GALNT6: variants seen among roughly 807,000 people sequenced by gnomAD.
GALNT6 encodes the protein GalNAc transferase 6.
In GALNT6, 51 loss-of-function variants were observed where a neutral mutation model predicts 65.9. The ratio of observed to expected loss-of-function variants is 0.77; its 90% confidence interval spans 0.62 to 0.98. The LOEUF (loss-of-function observed/expected upper bound fraction) is 0.98, where lower values mean the gene tolerates loss of function less well. Among genes scored for constraint, GALNT6 ranks in the 50% least tolerant of loss-of-function variants. GALNT6 has a pLI of 0.00. For synonymous variants in GALNT6, 323 were observed against 315.1 expected, an observed-to-expected ratio of 1.02 and a Z score of -0.26; for missense variants, 708 against 803.3, an observed-to-expected ratio of 0.88 and a Z score of 1.43.
chr12:51,372,869 C>A (rs889091846), intron 4 of GALNT6, among the ~76,000 whole-genome samples: 1 of 152,220 alleles, frequency 6.6e-6, no homozygotes, highest in Non-Finnish European at 1.5e-5. Flanking sequence ...CTTGCATCAG[C>A]GTGACCTGGA....
intron 5 of GALNT6, 78 bp downstream of exon 5, chr12:51,365,351 TG>T: frequency 7.3e-7 from 1 of 1,370,350 alleles, no homozygotes; most frequent in South Asian, 1.4e-5. Flanking sequence ...GAAGGGGCCT[TG>T]GGGAGGCTGT....
intron 3 of GALNT6, among the ~76,000 whole-genome samples, chr12:51,379,030 C>A (rs369549716): frequency 6.6e-6 from 1 of 152,202 alleles, no homozygotes; most frequent in Non-Finnish European, 1.5e-5. Flanking sequence ...TTCCTTCTTC[C>A]ACATCATCTC....
intron 4 of GALNT6, among the ~76,000 whole-genome samples, chr12:51,376,228 G>A (rs749840430): frequency 1.3e-5 from 2 of 152,180 alleles, no homozygotes; most frequent in Non-Finnish European, 1.5e-5. Flanking sequence ...AGGTCACAGA[G>A]CTAGGAAGGG....
At position 51,387,253 on chromosome 12, in the gene GALNT6, A is replaced by G. The variant is rs1947873467; in HGVS notation, c.-104+3597T>C. ...GCTGGGATTACAGGCGCCCGCCACC[A>G]CGTCCGGCTAATTTTTGTATTTTTT... is the stretch of plus-strand genomic sequence containing the variant. On this transcript the variant is annotated intron_variant, in intron 2 of 11. Transcript: ENST00000356317. This position sits in a 1 kb window ranked among gnomAD's most constrained non-coding sequence, Gnocchi z 4.2. Among the ~76,000 whole-genome samples the G allele has an allele frequency of 6.6e-6, 1 of 152,010 alleles. No individual in the cohort carries two copies. The highest frequency in any genetic ancestry group is 1.5e-5 in the Non-Finnish European group (1 of 68,008).
At position 51,359,316 on chromosome 12, in the gene GALNT6, C is replaced by T. The variant is rs1233372803; in HGVS notation, c.1184G>A (p.Gly395Asp). 2 of 1,610,426 alleles carry T rather than the reference C, an allele frequency of 1.2e-6. No homozygotes were observed. Among genetic ancestry groups the T allele is most frequent in the Admixed American group, 1.7e-5 (1 of 59,824 alleles). ...EMSFRVWQCG[G>D]QLEIIPCSVV... ...AGAGCAGGGGATGATCTCCAGCTGGCCCCCACACTGCCACACCTGATGTAA... is the reference window on the plus strand; with the variant it reads ...AGAGCAGGGGATGATCTCCAGCTGGTCCCCACACTGCCACACCTGATGTAA... Residue 395 changes from glycine to aspartate, a missense_variant, in exon 8 of 12, where the codon GGC becomes GAC. Coordinates refer to ENST00000356317, the MANE Select transcript of GALNT6 (RefSeq NM_007210.4).
chr12:51,356,408 A>G (rs983034838), intron 10 of GALNT6, among the ~76,000 whole-genome samples: 17 of 125,596 alleles, frequency 1.4e-4, no homozygotes, highest in African/African-American at 4.7e-4. Flanking sequence ...TGCTTAAGCT[A>G]GAGTGTGGTG....
Position 51,357,332 on chromosome 12 carries a change from A to G in GALNT6, c.1602+17T>C, listed in dbSNP as rs1946777499. On this transcript the variant is annotated intron_variant, in intron 10 of 11. Transcript: ENST00000356317. ...GGTGAGGAGAGGAGATGCTCCGGAGATGGGTGGGCTGCATACCTGGTTGCC... is the reference window on the plus strand; with the variant it reads ...GGTGAGGAGAGGAGATGCTCCGGAGGTGGGTGGGCTGCATACCTGGTTGCC... The G allele has an allele frequency of 6.6e-7, 1 of 1,515,784 alleles. No individual in the cohort carries two copies. Among genetic ancestry groups the G allele is most frequent in the African/African-American group, 1.4e-5 (1 of 72,916 alleles). 93.9% of individuals were successfully genotyped at this position (1,515,784 alleles called of 1,614,324 possible). A position where few individuals can be genotyped will look rare whatever the true frequency, so the allele number is the denominator to read the frequency against.
intron 4 of GALNT6, among the ~76,000 whole-genome samples, chr12:51,375,805 C>T (rs976458258): frequency 1.3e-5 from 2 of 152,126 alleles, no homozygotes; most frequent in Admixed American, 1.3e-4. Flanking sequence ...AATCTGCCTG[C>T]CTCGGCCTCC....
chr12:51,366,548 C>T (rs1263809652), intron 4 of GALNT6, among the ~76,000 whole-genome samples: 1 of 152,138 alleles, frequency 6.6e-6, no homozygotes, highest in African/African-American at 2.4e-5. Flanking sequence ...TACCACGGAC[C>T]AGGCACAGTG....
intron 10 of GALNT6, among the ~76,000 whole-genome samples, chr12:51,356,353 CTTTT>C (rs58408607): frequency 4.5e-5 from 3 of 66,948 alleles, no homozygotes; most frequent in Middle Eastern, 0.01. Context: ...TATATTTTCT[CTTTT>C]TTTTTTTTTT....
At position 51,377,364 on chromosome 12, in the gene GALNT6, A is replaced by G. The variant is rs764658051; in HGVS notation, c.495T>C (p.Cys165=). 9 of 1,612,174 alleles carry G rather than the reference A, an allele frequency of 5.6e-6. No individual in the cohort carries two copies. In the Admixed American group the frequency reaches 1.5e-4, roughly 27 times the overall value. ...SLGPDTRPPE[C]VDQKFRRCPP... ...GGCAGCGCCGGAACTTCTGGTCCAC[A>G]CACCTGGAAGTATGAAAGTACGGAC... is the stretch of plus-strand genomic sequence containing the variant. The change falls in exon 4 of 12, where the codon TGT becomes TGC. Residue 165 remains cysteine, a synonymous_variant. Transcript: ENST00000356317.
At chr12:51,381,120 G>C (rs570226973) in intron 2 of GALNT6, among the ~76,000 whole-genome samples, 2 of 152,248 alleles carry the variant, frequency 1.3e-5, no homozygotes, top group East Asian at 3.9e-4. Context: ...CACACCTGTA[G>C]TCCTAGCTGC....
chr12:51,370,177 C>T (rs1947244980), intron 4 of GALNT6, among the ~76,000 whole-genome samples: 1 of 152,236 alleles, frequency 6.6e-6, no homozygotes, highest in South Asian at 2.1e-4. Context: ...GAAACAGCCT[C>T]AGTGTCCATC....
In GALNT6 at chr12:51,387,159, G is replaced by A. The variant is rs138644814; in HGVS notation, c.-104+3691C>T. Among the ~76,000 whole-genome samples the A allele has an allele frequency of 8.8e-4, 133 of 151,942 alleles. No homozygotes were observed. Among genetic ancestry groups the A allele is most frequent in the African/African-American group, 3.1e-3 (127 of 41,404 alleles). On this transcript the variant is annotated intron_variant, in intron 2 of 11. Coordinates refer to ENST00000356317, the MANE Select transcript of GALNT6 (RefSeq NM_007210.4). This position sits in a 1 kb window ranked among gnomAD's most constrained non-coding sequence, Gnocchi z 4.2. The stretch of plus-strand genomic sequence containing the variant: ...GTTGCCCATACTGGAGTGCAGTGGC[G>A]GGATCTCGGCTCACTGCAACCTCCG...
At chr12:51,359,936 T>C (rs1003460108) in intron 7 of GALNT6, 1 of 152,178 alleles carries the variant, frequency 6.6e-6, no homozygotes, top group African/African-American at 2.4e-5. Flanking sequence ...GTTTCTTCTT[T>C]TGGGTTTTAG....
Position 51,379,825 on chromosome 12 carries a change from C to CT in GALNT6, c.-45dup. ...ACCCCAGCTGCGTCAGCTCTGAGTC[C>CT]TGAGCCCAACCCTGGAGATAGCTTG... On this transcript the variant is annotated 5_prime_UTR_variant, in exon 3 of 12. Transcript: ENST00000356317. 6.4e-7 allele frequency: 1 copy of CT among 1,552,226 alleles called. No homozygotes were observed. Among genetic ancestry groups the CT allele is most frequent in the Non-Finnish European group, 8.7e-7 (1 of 1,154,060 alleles).
intron 8 of GALNT6, 69 bp downstream of exon 8, chr12:51,359,063 G>A (rs1946836669): frequency 5.7e-6 from 7 of 1,228,442 alleles, no homozygotes; most frequent in Non-Finnish European, 7.1e-6. Context: ...CAGCCATTAG[G>A]CCCATGAACA....
chr12:51,376,471 TA>T (rs1413587415), intron 4 of GALNT6, among the ~76,000 whole-genome samples: 1 of 151,722 alleles, frequency 6.6e-6, no homozygotes, highest in Non-Finnish European at 1.5e-5. Context: ...CCATCTCTAT[TA>T]AAAATACAAA....
chr12:51,357,800 A>T (rs1396964195), intron 9 of GALNT6, among the ~76,000 whole-genome samples: 1 of 151,898 alleles, frequency 6.6e-6, no homozygotes, highest in East Asian at 1.9e-4. Flanking sequence ...TCACCTGGAG[A>T]CTCGTGAGAA....
Sources: gnomAD v4.1 joint callset for allele counts (sites outside exome capture counted in the v4.1 genomes callset) on GRCh38, gnomAD v4.1.1 for gene constraint, Gnocchi (gnomAD v3.1) non-coding constraint, MANE v1.5 for transcripts, NCBI Gene and HGNC (gene_info 2026-07-23, HGNC 2026-07-21) for gene names.